The following SEMA3A variants were observed in gnomAD, a reference collection of about 807,000 sequenced individuals.
The protein encoded by SEMA3A is semaphorin-3A.
SEMA3A carries 29 observed loss-of-function variants against 97.9 expected under a neutral mutation model. That is an observed-to-expected ratio of 0.30 (90% CI 0.22 to 0.40). The LOEUF (loss-of-function observed/expected upper bound fraction) is 0.40. Among genes scored for constraint, SEMA3A ranks in the 10% least tolerant of loss-of-function variants. The pLI is 1.00. For synonymous variants in SEMA3A, 321 were observed against 323.7 expected, an observed-to-expected ratio of 0.99 and a Z score of 0.09; for missense variants, 763 against 951.3, an observed-to-expected ratio of 0.80 and a Z score of 2.60.
intron 4 of SEMA3A, among the ~76,000 whole-genome samples, chr7:84,072,293 G>A (rs563734282): frequency 3.9e-5 from 6 of 151,922 alleles, no homozygotes; most frequent in African/African-American, 1.4e-4. Context: ...TCTGAAAAGG[G>A]TCAGCCTCAC....
chr7:84,437,040 G>A (rs1310726361), intron 1 of SEMA3A, among the ~76,000 whole-genome samples: 1 of 151,982 alleles, frequency 6.6e-6, no homozygotes, highest in East Asian at 1.9e-4. Flanking sequence ...GAATTGCAGG[G>A]ACTGCCACCT....
intron 1 of SEMA3A, among the ~76,000 whole-genome samples, chr7:84,180,012 T>A (rs1055652955): frequency 6.8e-6 from 1 of 147,112 alleles, no homozygotes; most frequent in South Asian, 2.2e-4. Context: ...TGTGGCGCGA[T>A]CTCGGCTCAC....
chr7:84,004,983 C>T (rs1272787964), intron 11 of SEMA3A, among the ~76,000 whole-genome samples: 2 of 152,128 alleles, frequency 1.3e-5, no homozygotes, highest in Non-Finnish European at 2.9e-5. Context: ...GTAGCCTACT[C>T]AACAGGAAGA....
chr7:84,203,325 C>T (rs1050296543), intron 3 of SEMA3A, among the ~76,000 whole-genome samples: 2 of 148,746 alleles, frequency 1.3e-5, no homozygotes, highest in African/African-American at 4.9e-5. Flanking sequence ...GAAGAGAAGC[C>T]TTTTTTTTTC....
At chr7:84,235,960 T>C (rs1047809297) in intron 3 of SEMA3A, among the ~76,000 whole-genome samples, 11 of 152,104 alleles carry the variant, frequency 7.2e-5, no homozygotes, top group African/African-American at 2.7e-4. Flanking sequence ...TAATCTATTT[T>C]CCTCCCACAA....
intron 2 of SEMA3A, among the ~76,000 whole-genome samples, chr7:84,322,409 A>T (rs974453082): frequency 5.3e-5 from 8 of 152,206 alleles, no homozygotes; most frequent in Admixed American, 2.0e-4. Flanking sequence ...TATGTCCCCA[A>T]CCAAATCTCA....
chr7:84,015,088 C>T (rs374774094), intron 6 of SEMA3A, among the ~76,000 whole-genome samples: 8 of 152,126 alleles, frequency 5.3e-5, no homozygotes, highest in Admixed American at 1.3e-4. Flanking sequence ...AATGAACCTC[C>T]GCTCTCTCAC....
At chr7:84,048,685 G>C (rs1320158102) in intron 5 of SEMA3A, among the ~76,000 whole-genome samples, 1 of 151,784 alleles carries the variant, frequency 6.6e-6, no homozygotes, top group Non-Finnish European at 1.5e-5. Context: ...ACTAAAAATA[G>C]AATAATTTAA....
At chr7:84,007,172 C>T (rs1302900096) in intron 10 of SEMA3A, among the ~76,000 whole-genome samples, 181 bp downstream of exon 10, 1 of 152,098 alleles carries the variant, frequency 6.6e-6, no homozygotes, top group Admixed American at 6.5e-5. Flanking sequence ...CTGTAAAGAA[C>T]ATGTTTTTAA....
At chr7:84,424,011 T>C (rs1170186112) in intron 1 of SEMA3A, among the ~76,000 whole-genome samples, 1 of 151,840 alleles carries the variant, frequency 6.6e-6, no homozygotes, top group Non-Finnish European at 1.5e-5. Context: ...GGCATGAATG[T>C]GGTGAAAGGG....
chr7:84,470,453 C>T lies in SEMA3A; in HGVS notation c.-246+22007G>A, dbSNP rs144843622. Among the ~76,000 whole-genome samples, 53 of 152,074 alleles carry T rather than the reference C, an allele frequency of 3.5e-4. 1 individual carries two copies. The highest frequency in any genetic ancestry group is 1.2e-3 in the African/African-American group (50 of 41,496). On this transcript the variant is annotated intron_variant, in intron 1 of 3. Transcript: ENST00000424555. ...AGACAGTAACAGTTGTAAAGCATTG[C>T]TAAAACAAACAAATTGATAAAACAA...
chr7:84,415,335 G>A (rs1434426977), intron 1 of SEMA3A, among the ~76,000 whole-genome samples: 2 of 151,948 alleles, frequency 1.3e-5, no homozygotes, highest in African/African-American at 4.8e-5. Flanking sequence ...GTATACCAAA[G>A]GATATCTAGT....
At chr7:84,081,416 C>T (rs1794154521) in intron 4 of SEMA3A, among the ~76,000 whole-genome samples, 1 of 151,878 alleles carries the variant, frequency 6.6e-6, no homozygotes, top group African/African-American at 2.4e-5. Context: ...CACGGTGAAA[C>T]CCCGTCTCTA....
At chr7:84,053,193 T>C (rs1792769693) in intron 5 of SEMA3A, among the ~76,000 whole-genome samples, 1 of 121,514 alleles carries the variant, frequency 8.2e-6, no homozygotes, top group African/African-American at 2.6e-5. Context: ...ATTCTGTTGA[T>C]TTGGGGTGGA....
chr7:84,169,939 G>A (rs1055827419), intron 1 of SEMA3A, among the ~76,000 whole-genome samples: 5 of 151,748 alleles, frequency 3.3e-5, no homozygotes, highest in African/African-American at 7.2e-5. Flanking sequence ...ATTAAAACCC[G>A]AAACTCCTAG....
At chr7:84,028,090 A>G (rs1791612633) in intron 6 of SEMA3A, among the ~76,000 whole-genome samples, 1 of 152,186 alleles carries the variant, frequency 6.6e-6, no homozygotes, top group Non-Finnish European at 1.5e-5. Context: ...AATAAAAAGA[A>G]AGATGATTGA....
At chr7:84,492,505 CTG>C (rs1806760492) in exon 1 of SEMA3A, 1 of 152,080 alleles carries the variant, frequency 6.6e-6, no homozygotes, top group Admixed American at 6.6e-5. Context: ...AAGGGCTGTT[CTG>C]TTCTTACCTA....
intron 4 of SEMA3A, among the ~76,000 whole-genome samples, chr7:84,084,873 A>C (rs1794282177): frequency 6.6e-6 from 1 of 152,132 alleles, no homozygotes; most frequent in Non-Finnish European, 1.5e-5. Flanking sequence ...TTGGAAAGCT[A>C]GCTCTTGTTT....
intron 3 of SEMA3A, among the ~76,000 whole-genome samples, chr7:84,280,260 C>T (rs1326733213): frequency 1.3e-5 from 2 of 152,124 alleles, no homozygotes; most frequent in African/African-American, 4.8e-5. Flanking sequence ...AGATGTTACT[C>T]TTTCTATATG....
Sources: allele counts gnomAD v4.1 joint callset (sites outside exome capture counted in the v4.1 genomes callset), GRCh38; gene constraint gnomAD v4.1.1; transcripts MANE v1.5; gene names NCBI Gene and HGNC (gene_info 2026-07-23, HGNC 2026-07-21).